Variants in SLC35F4 observed in about 807,000 individuals in gnomAD.
SLC35F4 encodes solute carrier family 35 member F4, also known as chromosome 14 open reading frame 36.
A neutral mutation model predicts 44.2 loss-of-function variants in SLC35F4; 24 were observed. The observed-to-expected ratio is 0.54, with a 90% confidence interval of 0.39 to 0.76. The LOEUF is 0.76. Among genes scored for constraint, SLC35F4 ranks in the 30% least tolerant of loss-of-function variants. SLC35F4 has a pLI of 0.00. For synonymous variants in SLC35F4, 238 were observed against 223.6 expected, an observed-to-expected ratio of 1.06 and a Z score of -0.57; for missense variants, 562 against 586.1, an observed-to-expected ratio of 0.96 and a Z score of 0.42.
At chr14:57,679,421 AG>A (rs1160878542) in intron 1 of SLC35F4, among the ~76,000 whole-genome samples, 1 of 152,112 alleles carries the variant, frequency 6.6e-6, no homozygotes, top group Non-Finnish European at 1.5e-5. Flanking sequence ...AGGAGAAAGG[AG>A]GAAATATCTA....
At chr14:57,746,389 C>T (rs903232431) in intron 1 of SLC35F4, among the ~76,000 whole-genome samples, 3 of 151,934 alleles carry the variant, frequency 2.0e-5, no homozygotes, top group African/African-American at 7.2e-5. Context: ...TTTGTTAATA[C>T]TTTTTCTGTA....
At chr14:57,694,841 A>C (rs1290149487) in intron 1 of SLC35F4, among the ~76,000 whole-genome samples, 1 of 152,170 alleles carries the variant, frequency 6.6e-6, no homozygotes, top group African/African-American at 2.4e-5. Flanking sequence ...TTTATTGCTG[A>C]TTTAGAATTA....
intron 1 of SLC35F4, among the ~76,000 whole-genome samples, chr14:57,729,673 G>C (rs551894686): frequency 6.6e-6 from 1 of 152,122 alleles, no homozygotes; most frequent in African/African-American, 2.4e-5. Context: ...CTGGGACTGG[G>C]GGAGGGATGC....
At chr14:57,665,671 C>T (rs1324800667) in intron 1 of SLC35F4, among the ~76,000 whole-genome samples, 1 of 152,176 alleles carries the variant, frequency 6.6e-6, no homozygotes, top group Non-Finnish European at 1.5e-5. Flanking sequence ...CATAAAGACA[C>T]ATGCAGATAT....
chr14:57,732,324 TG>T (rs1170950922), intron 1 of SLC35F4, among the ~76,000 whole-genome samples: 1 of 152,170 alleles, frequency 6.6e-6, no homozygotes, highest in Non-Finnish European at 1.5e-5. Context: ...ATAAACCCTT[TG>T]AAAGACTGAA....
chr14:57,915,748 T>C (rs1433237564), intron 1 of SLC35F4, among the ~76,000 whole-genome samples: 1 of 152,190 alleles, frequency 6.6e-6, no homozygotes, highest in Non-Finnish European at 1.5e-5. Flanking sequence ...TGGGCTTTAG[T>C]GTCCAGATTT....
At chr14:57,579,029 T>A (rs1358148585) in intron 4 of SLC35F4, 1 of 152,256 alleles carries the variant, frequency 6.6e-6, no homozygotes, top group Non-Finnish European at 1.5e-5. Context: ...CATTCCTGGC[T>A]GGTGACCACA....
chr14:57,699,329 A>AGT (rs2075470655), intron 1 of SLC35F4, among the ~76,000 whole-genome samples: 1 of 152,132 alleles, frequency 6.6e-6, no homozygotes, highest in African/African-American at 2.4e-5. Flanking sequence ...GAAGGTGATG[A>AGT]ATATGTCATG....
At chr14:57,657,154 C>T (rs1036627501) in intron 1 of SLC35F4, among the ~76,000 whole-genome samples, 6 of 152,172 alleles carry the variant, frequency 3.9e-5, no homozygotes, top group Non-Finnish European at 7.3e-5. Context: ...TCCCTGTGTC[C>T]AGGTCTTTCT....
At chr14:57,919,845 C>T (rs1043734998) in intron 1 of SLC35F4, among the ~76,000 whole-genome samples, 4 of 152,316 alleles carry the variant, frequency 2.6e-5, no homozygotes, top group Non-Finnish European at 5.9e-5. Context: ...GCAATTTTGA[C>T]AGAGGGCCAA....
intron 1 of SLC35F4, among the ~76,000 whole-genome samples, chr14:57,960,456 A>G (rs1347782033): frequency 6.6e-6 from 1 of 152,186 alleles, no homozygotes; most frequent in Non-Finnish European, 1.5e-5. Flanking sequence ...AATTTCTCCA[A>G]GTGTCTTTCT....
At chr14:57,803,736 C>T (rs1253054629) in intron 1 of SLC35F4, among the ~76,000 whole-genome samples, 3 of 151,784 alleles carry the variant, frequency 2.0e-5, no homozygotes, top group African/African-American at 7.3e-5. Flanking sequence ...ATCACAGGCG[C>T]TTGACACCGT....
intron 1 of SLC35F4, among the ~76,000 whole-genome samples, chr14:57,706,235 C>A (rs1327426090): frequency 1.3e-5 from 2 of 152,132 alleles, no homozygotes; most frequent in African/African-American, 2.4e-5. Context: ...AAGGCAGATT[C>A]AAGTTTTTGT....
chr14:57,578,325 GTTTTTTTTTTTTTTTTTTT>G (rs199785589), intron 4 of SLC35F4, among the ~76,000 whole-genome samples: 28 of 43,166 alleles, frequency 6.5e-4, no homozygotes, highest in Admixed American at 2.0e-3. Context: ...CCCTTTAACT[GTTTTTTTTTTTTTTTTTTT>G]TTTTTTTTTT....
intron 1 of SLC35F4, among the ~76,000 whole-genome samples, chr14:57,877,874 G>A (rs1391439753): frequency 3.3e-5 from 5 of 151,398 alleles, no homozygotes; most frequent in Non-Finnish European, 5.9e-5. Context: ...TAGCAGAGAT[G>A]GGGTTTCACC....
chr14:57,836,442 G>C (rs377401209), intron 1 of SLC35F4, among the ~76,000 whole-genome samples: 1 of 151,956 alleles, frequency 6.6e-6, no homozygotes, highest in African/African-American at 2.4e-5. Flanking sequence ...ACAGGCATGC[G>C]CCATCACATC....
At chr14:57,583,674 G>C (rs181307768) in intron 3 of SLC35F4, among the ~76,000 whole-genome samples, 7 of 152,176 alleles carry the variant, frequency 4.6e-5, no homozygotes, top group Admixed American at 2.6e-4. Flanking sequence ...TCATTCCCTC[G>C]TTCTTCCCCT....
At chr14:57,572,410 A>G (rs1035394983) in intron 4 of SLC35F4, among the ~76,000 whole-genome samples, 5 of 152,058 alleles carry the variant, frequency 3.3e-5, no homozygotes, top group African/African-American at 9.7e-5. Flanking sequence ...TTTTCCTCCA[A>G]TTCAGCATAC....
intron 1 of SLC35F4, among the ~76,000 whole-genome samples, chr14:57,825,973 A>G (rs1259081630): frequency 1.3e-5 from 2 of 152,220 alleles, no homozygotes; most frequent in Non-Finnish European, 2.9e-5. Context: ...TATTCCCATT[A>G]AAGTACCATT....
Sources: allele counts gnomAD v4.1 joint callset (sites outside exome capture counted in the v4.1 genomes callset), GRCh38; gene constraint gnomAD v4.1.1; transcripts MANE v1.5; gene names NCBI Gene and HGNC (gene_info 2026-07-23, HGNC 2026-07-21).